The following PIEZO2 variants were observed in gnomAD, a reference collection of about 807,000 sequenced individuals.
PIEZO2 encodes piezo type mechanosensitive ion channel component 2.
Under a neutral mutation model 337.3 loss-of-function variants are expected in PIEZO2, and 172 were observed. The observed-to-expected ratio is 0.51, with a 90% CI of 0.45 to 0.58. PIEZO2 has a LOEUF of 0.58. Among genes scored for constraint, PIEZO2 ranks in the 20% least tolerant of loss-of-function variants. The pLI, the probability that PIEZO2 is intolerant of heterozygous loss-of-function variation, is 0.00. For missense variants in PIEZO2, 3,028 were observed against 3,391.3 expected (o/e 0.89, Z 2.66); for synonymous variants, 1,251 against 1,228.5 (o/e 1.02, Z -0.38).
intron 15 of PIEZO2, among the ~76,000 whole-genome samples, chr18:10,788,778 G>A (rs141272594): frequency 6.4e-4 from 98 of 152,230 alleles, no homozygotes; most frequent in African/African-American, 2.3e-3. Flanking sequence ...TAGAGACAAG[G>A]TTTCAGTATT....
chr18:10,957,406 C>CAACAA (rs71362193), intron 3 of PIEZO2, among the ~76,000 whole-genome samples: 233 of 145,000 alleles, frequency 1.6e-3, no homozygotes, highest in African/African-American at 5.1e-3. Flanking sequence ...AACAAACCAA[C>CAACAA]AAAAAAAAAA....
chr18:10,991,263 G>T (rs562895821), intron 2 of PIEZO2, among the ~76,000 whole-genome samples: 103 of 150,380 alleles, frequency 6.8e-4, no homozygotes, highest in African/African-American at 2.4e-3. Context: ...TAAGTTCTGG[G>T]GTACATGTAC....
chr18:10,955,321 A>C (rs983232128), intron 3 of PIEZO2, among the ~76,000 whole-genome samples: 2 of 152,186 alleles, frequency 1.3e-5, no homozygotes, highest in Non-Finnish European at 2.9e-5. Flanking sequence ...AGAGCAAGAG[A>C]GCAAGGAGAC....
rs1260807067 is a variant in PIEZO2 at position 11,003,955 on chromosome 18, T to C, written c.161-24295A>G. On this transcript the variant is annotated intron_variant, in intron 2 of 55. Transcript: ENST00000674853. This position sits in a 1 kb window ranked among gnomAD's most constrained non-coding sequence, Gnocchi z 4.6. ...CACTATTTTTGTTGCTTTTACTTTG[T>C]TTTCTAACCCATGTTATGCCTTCCA... 6.6e-6 allele frequency among the ~76,000 whole-genome samples: 1 copy of C among 152,218 alleles called. No individual in the cohort carries two copies. Among genetic ancestry groups the C allele is most frequent in the Non-Finnish European group, 1.5e-5 (1 of 68,046 alleles).
rs2038970686 is a variant in PIEZO2, at chr18:10,781,225, C to T, written c.2493-859G>A. The stretch of plus-strand genomic sequence containing the variant: ...GTGGCTCACGCCTGTAATCCCAGCA[C>T]TTTGGGAAGTCGAGGCAGGTGGATC... On this transcript the variant is annotated intron_variant, in intron 17 of 55. Transcript: ENST00000674853. The surrounding 1 kb of genome is among the most constrained non-coding windows in gnomAD (Gnocchi z 4.1). Among the ~76,000 whole-genome samples, 1 of 152,036 alleles carries T rather than the reference C, an allele frequency of 6.6e-6. No homozygotes were observed. Among genetic ancestry groups the T allele is most frequent in the African/African-American group, 2.4e-5 (1 of 41,412 alleles).
At chr18:11,133,605 A>G (rs569210685) in intron 1 of PIEZO2, among the ~76,000 whole-genome samples, 1 of 152,194 alleles carries the variant, frequency 6.6e-6, no homozygotes, top group African/African-American at 2.4e-5. Context: ...AAAAACGTGA[A>G]AAGGAGAGAT....
rs527985057 is a variant in PIEZO2 at position 11,076,472 on chromosome 18, G to C, written c.65-10250C>G. Among the ~76,000 whole-genome samples the C allele has an allele frequency of 3.9e-5, 6 of 152,008 alleles. No homozygotes were observed. The South Asian group carries it at 1.2e-3, about 32-fold the overall frequency. On this transcript the variant is annotated intron_variant, in intron 1 of 55. Transcript: ENST00000674853. ...TATAAAGGAAAAAAGGCTTTGGTCT[G>C]AATTTTCTGCTTTTTCCAAACAACT...
rs1412680747 is a variant in PIEZO2, at chr18:10,953,856, T to C, written c.286+25679A>G. On this transcript the variant is annotated intron_variant, in intron 3 of 55. Coordinates refer to ENST00000674853, the MANE Select transcript of PIEZO2 (RefSeq NM_001378183.1). The surrounding 1 kb of genome is among the most constrained non-coding windows in gnomAD (Gnocchi z 5.2). ...CAGCAAGAGAGAGGCAGGCTTTGAA[T>C]ATCAACAGCACAGGGTGCCCCTGGT... Among the ~76,000 whole-genome samples, 2 of 152,172 alleles carry C rather than the reference T, an allele frequency of 1.3e-5. No individual in the cohort carries two copies. Among genetic ancestry groups the C allele is most frequent in the African/African-American group, 2.4e-5 (1 of 41,436 alleles).
In PIEZO2 at chr18:11,119,001, T is replaced by C. The variant is rs1374214590; in HGVS notation, c.64+29524A>G. Among the ~76,000 whole-genome samples, 7 of 152,156 alleles carry C rather than the reference T, an allele frequency of 4.6e-5. No homozygotes were observed. The East Asian group carries it at 1.2e-3, about 25-fold the overall frequency. On this transcript the variant is annotated intron_variant, in intron 1 of 55. Coordinates refer to ENST00000674853, the MANE Select transcript of PIEZO2 (RefSeq NM_001378183.1). ...TACATTATTCTTGCAGTTTCCCTAG[T>C]AGAACCTCTAAAAGAATATGAATTG...
rs545276158 is a variant in PIEZO2 at position 10,980,419 on chromosome 18, T to C, written c.161-759A>G. On this transcript the variant is annotated intron_variant, in intron 2 of 55. Transcript: ENST00000674853. This position sits in a 1 kb window ranked among gnomAD's most constrained non-coding sequence, Gnocchi z 4.8. Reference sequence around the variant, plus strand: ...TTTATAATAAAGCAAACATCCTGTTTATAGTGGAATTTTAGACTTAGTCCC... The same window carrying C: ...TTTATAATAAAGCAAACATCCTGTTCATAGTGGAATTTTAGACTTAGTCCC... Among the ~76,000 whole-genome samples, 2 of 152,134 alleles carry C rather than the reference T, an allele frequency of 1.3e-5. No individual in the cohort carries two copies. Among genetic ancestry groups the C allele is most frequent in the Non-Finnish European group, 2.9e-5 (2 of 68,008 alleles).
rs1313757582 is a variant in PIEZO2 at position 10,691,274 on chromosome 18, T to C, written c.7300A>G (p.Asn2434Asp). The change falls in exon 48 of 56, where the codon AAC (asparagine) becomes GAC (aspartate). Residue 2434 changes from asparagine to aspartate, a missense_variant. By Grantham distance (23) the Asn-to-Asp change is conservative. Coordinates refer to ENST00000674853, the MANE Select transcript of PIEZO2 (RefSeq NM_001378183.1). The part of the protein sequence containing the change: ...RCGYPTRVLG[N>D]FLTKSYNYVN... ...TAATTGTAGCTCTTGGTGAGGAAGT[T>C]CCCCAGGACTCGCGTTGGGTAGCCA... 6.2e-7 allele frequency: 1 copy of C among 1,613,798 alleles called. No homozygotes were observed. The highest frequency in any genetic ancestry group is 1.7e-5 in the Admixed American group (1 of 59,960).
intron 1 of PIEZO2, among the ~76,000 whole-genome samples, chr18:11,134,118 G>C (rs900779575): frequency 1.3e-5 from 2 of 152,172 alleles, no homozygotes; most frequent in African/African-American, 2.4e-5. Flanking sequence ...TCAGCACATA[G>C]AGAAGGGACA....
In PIEZO2 at chr18:10,677,995, G is replaced by A; in HGVS notation, c.7953-120C>T. 3.1e-6 allele frequency: 3 copies of A among 965,336 alleles called. No homozygotes were observed. The highest frequency in any genetic ancestry group is 4.4e-6 in the Non-Finnish European group (3 of 679,936). The allele number at this position is 965,336 out of a possible 1,614,324, so 59.8% of individuals were successfully genotyped here. A position where few individuals can be genotyped will look rare whatever the true frequency, so the allele number is the denominator to read the frequency against. On this transcript the variant is annotated intron_variant, in intron 52 of 55. Coordinates refer to ENST00000674853, the MANE Select transcript of PIEZO2 (RefSeq NM_001378183.1). The surrounding 1 kb of genome is among the most constrained non-coding windows in gnomAD (Gnocchi z 4.1). ...ACCACGTTTTCATTGGGTCCACAAC[G>A]GTCAATCCTGACCCTTTCAGTCTAC... is the stretch of plus-strand genomic sequence containing the variant.
chr18:10,874,391 G>A (rs1450921649), intron 4 of PIEZO2, among the ~76,000 whole-genome samples: 1 of 152,138 alleles, frequency 6.6e-6, no homozygotes, highest in African/African-American at 2.4e-5. Flanking sequence ...AGCTACTATA[G>A]AAAACAGCAT....
At chr18:10,998,420 C>T (rs912652003) in intron 2 of PIEZO2, among the ~76,000 whole-genome samples, 3 of 151,684 alleles carry the variant, frequency 2.0e-5, no homozygotes, top group East Asian at 3.9e-4. Flanking sequence ...CATGGAATTT[C>T]TAGAAAAAAA....
rs2038305187 is a variant in PIEZO2, at chr18:11,070,572, A to G, written c.65-4350T>C. Among the ~76,000 whole-genome samples, 3 of 152,238 alleles carry G rather than the reference A, an allele frequency of 2.0e-5. No individual in the cohort carries two copies. The South Asian group carries it at 6.2e-4, about 31-fold the overall frequency. ...GATATGAGAAAAACCAGGAAAGCCT[A>G]GCTTCACAAAGGGAAAGGTTTTCAC... On this transcript the variant is annotated intron_variant, in intron 1 of 55. Transcript: ENST00000674853. The surrounding 1 kb of genome is among the most constrained non-coding windows in gnomAD (Gnocchi z 4.3).
intron 3 of PIEZO2, among the ~76,000 whole-genome samples, chr18:10,955,047 AAG>A (rs1486668450): frequency 6.6e-6 from 1 of 152,158 alleles, no homozygotes; most frequent in Non-Finnish European, 1.5e-5. Context: ...TAGGAGAAGA[AAG>A]AGGGGCACAA....
rs1416849237 is a variant in PIEZO2, at chr18:11,102,650, T to C, written c.65-36428A>G. ...TGTCTTTGGAGCACCCCACTTCCCA[T>C]TGGGCCCCCAGTGATCTGTCTCCAG... On this transcript the variant is annotated intron_variant, in intron 1 of 55. Transcript: ENST00000674853. This position sits in a 1 kb window ranked among gnomAD's most constrained non-coding sequence, Gnocchi z 5.7. Among the ~76,000 whole-genome samples, 1 of 152,150 alleles carries C rather than the reference T, an allele frequency of 6.6e-6. No homozygotes were observed. The highest frequency in any genetic ancestry group is 1.9e-4 in the East Asian group (1 of 5,186).
In PIEZO2 at chr18:10,854,500, CATTATCTAA is replaced by C. The variant is rs2041647425; in HGVS notation, c.917+844_917+852del. Among the ~76,000 whole-genome samples, 1 of 152,166 alleles carries C rather than the reference CATTATCTAA, an allele frequency of 6.6e-6. No individual in the cohort carries two copies. Among genetic ancestry groups the C allele is most frequent in the Non-Finnish European group, 1.5e-5 (1 of 68,020 alleles). ...TAATTCTATTATTCCTTTGCCCTGT[CATTATCTAA>C]CATCATCCTGCATGGAGGAATTTTC... On this transcript the variant is annotated intron_variant, in intron 7 of 55. Transcript: ENST00000674853. The surrounding 1 kb of genome is among the most constrained non-coding windows in gnomAD (Gnocchi z 4.6).
Sources: allele counts gnomAD v4.1 joint callset (sites outside exome capture counted in the v4.1 genomes callset), GRCh38; gene constraint gnomAD v4.1.1; non-coding constraint Gnocchi (gnomAD v3.1); transcripts MANE v1.5; gene names NCBI Gene and HGNC (gene_info 2026-07-23, HGNC 2026-07-21).